MARS1: variants seen among roughly 807,000 people sequenced by gnomAD.
The protein encoded by MARS1 is methionine--tRNA ligase, cytoplasmic.
Under a neutral mutation model 119.5 loss-of-function variants are expected in MARS1, and 80 were observed. The ratio of observed to expected loss-of-function variants is 0.67; its 90% confidence interval spans 0.56 to 0.81. The LOEUF is 0.81. Among genes scored for constraint, MARS1 ranks in the 30% least tolerant of loss-of-function variants. The pLI, the probability that MARS1 is intolerant of heterozygous loss-of-function variation, is 0.00. For synonymous variants in MARS1, 418 were observed against 433.4 expected, an observed-to-expected ratio of 0.96 and a Z score of 0.44; for missense variants, 945 against 1,116.5, an observed-to-expected ratio of 0.85 and a Z score of 2.19.
rs557584654 is a variant in MARS1 at position 57,510,793 on chromosome 12, C to T, written c.1369-905C>T. 2.3e-4 allele frequency among the ~76,000 whole-genome samples: 35 copies of T among 151,920 alleles called. No individual in the cohort carries two copies. In the South Asian group the frequency reaches 2.5e-3, roughly 11 times the overall value. On this transcript the variant is annotated intron_variant, in intron 11 of 20. Transcript: ENST00000262027. The stretch of plus-strand genomic sequence containing the variant: ...TTAAAAAAAGAAAAAATTGGTTGGG[C>T]ACGGTGGCTTATGCCTGTAATTCCA...
At chr12:57,492,877 G>T (rs1938736986) in intron 7 of MARS1, among the ~76,000 whole-genome samples, 1 of 152,108 alleles carries the variant, frequency 6.6e-6, no homozygotes, top group Non-Finnish European at 1.5e-5. Flanking sequence ...GTGGCAGCAG[G>T]CTGGTCAGTC....
At position 57,512,898 on chromosome 12, in the gene MARS1, C is replaced by T. The variant is rs769611828; in HGVS notation, c.1901C>T (p.Ser634Phe). The T allele has an allele frequency of 3.1e-6, 5 of 1,614,214 alleles. No individual in the cohort carries two copies. The highest frequency in any genetic ancestry group is 1.7e-5 in the Admixed American group (1 of 60,018). ...IRPEGQDSAF[S>F]WTDLLLKNNS... is the part of the protein sequence containing the mutation. ...CCTGAGGGCCAGGACAGTGCTTTCT[C>T]CTGGACGGACCTGCTGCTGAAGAAT... The change falls in exon 15 of 21, where the codon TCC (serine) becomes TTC (phenylalanine). Residue 634 changes from serine (S) to phenylalanine (F), a missense_variant. By Grantham distance (155) the Ser-to-Phe change is radical. Transcript: ENST00000262027.
At chr12:57,501,340 A>G (rs935774460) in intron 10 of MARS1, among the ~76,000 whole-genome samples, 2 of 152,242 alleles carry the variant, frequency 1.3e-5, no homozygotes, top group African/African-American at 4.8e-5. Context: ...TATTCTGGTG[A>G]ATGACAAGCT....
intron 11 of MARS1, 123 bp from the exon 12 acceptor site, chr12:57,511,573 ACT>A (rs1014737533): frequency 3.3e-6 from 3 of 901,364 alleles, no homozygotes; most frequent in South Asian, 3.2e-5. Flanking sequence ...ACAGAGCAAG[ACT>A]CTGTCTCCAA....
Position 57,488,149 on chromosome 12 carries a change from G to C in MARS1, c.59G>C (p.Gly20Ala). Residue 20 changes from glycine (G) to alanine (A), a missense_variant, in exon 1 of 21, where the codon GGG (glycine) becomes GCG (alanine). Physicochemically the swap from Gly to Ala is moderately conservative, Grantham distance 60. Coordinates refer to ENST00000262027, the MANE Select transcript of MARS1 (RefSeq NM_004990.4). The part of the protein sequence containing the change: ...PGCLPVLAAA[G>A]RARGRAEVLI... ...TGCTTGCCGGTGCTGGCCGCCGCCG[G>C]GAGAGCCCGGGGCAGAGCAGAGGTG... 1.9e-6 allele frequency: 3 copies of C among 1,614,180 alleles called. No individual in the cohort carries two copies. The highest frequency in any genetic ancestry group is 2.5e-6 in the Non-Finnish European group (3 of 1,180,026).
In MARS1 at chr12:57,489,979, C is replaced by T. The variant is rs1875804528; in HGVS notation, c.490+8C>T. 2 of 1,612,724 alleles carry T rather than the reference C, an allele frequency of 1.2e-6. No individual in the cohort carries two copies. Among genetic ancestry groups the T allele is most frequent in the African/African-American group, 1.3e-5 (1 of 74,894 alleles). On this transcript the variant is annotated splice_region_variant and intron_variant, in intron 5 of 20. Transcript: ENST00000262027. ...ATCCCGCCTACCTCCCTGGTGAGAA[C>T]TGTGCATATCACTCCAACCCTAGGA...
At chr12:57,498,705 C>T (rs1876765007) in intron 9 of MARS1, 82 bp downstream of exon 9, 18 of 1,361,668 alleles carry the variant, frequency 1.3e-5, no homozygotes, top group Non-Finnish European at 1.8e-5. Flanking sequence ...ACAGAAGGAA[C>T]CCGGGTGGCT....
chr12:57,509,690 G>A (rs1877414982), intron 11 of MARS1, among the ~76,000 whole-genome samples: 1 of 152,124 alleles, frequency 6.6e-6, no homozygotes, highest in Admixed American at 6.6e-5. Context: ...GATTACAGGC[G>A]TGAGCCATCG....
At position 57,512,316 on chromosome 12, in the gene MARS1, G is replaced by A. The variant is rs761794855; in HGVS notation, c.1716G>A (p.Glu572=). The A allele has an allele frequency of 1.9e-6, 3 of 1,614,034 alleles. No individual in the cohort carries two copies. The highest frequency in any genetic ancestry group is 2.5e-6 in the Non-Finnish European group (3 of 1,180,026). ...LVFPCSALGA[E]DNYTLVSHLI... is the part of the protein sequence containing the mutation. ...TTCCTTGCTCAGCCCTAGGAGCTGAGGATAACTATACCTTGGTCAGCCACC... is the reference window on the plus strand; with the variant it reads ...TTCCTTGCTCAGCCCTAGGAGCTGAAGATAACTATACCTTGGTCAGCCACC... The change falls in exon 14 of 21, where the codon GAG becomes GAA. Residue 572 remains glutamate, a synonymous_variant. Coordinates refer to ENST00000262027, the MANE Select transcript of MARS1 (RefSeq NM_004990.4).
chr12:57,514,706 T>C lies in MARS1; in HGVS notation c.1968-14T>C. 6.2e-7 allele frequency: 1 copy of C among 1,614,044 alleles called. No individual in the cohort carries two copies. The highest frequency in any genetic ancestry group is 8.5e-7 in the Non-Finnish European group (1 of 1,180,004). On this transcript the variant is annotated splice_polypyrimidine_tract_variant and intron_variant, in intron 15 of 20. Coordinates refer to ENST00000262027, the MANE Select transcript of MARS1 (RefSeq NM_004990.4). ...CCTCTTTTTTCCACTTCTGCTTTCC[T>C]ACTCCCAACCAAGAGCTGGGATGTT...
intron 15 of MARS1, 132 bp from the exon 16 acceptor site, chr12:57,514,588 C>A (rs1051913136): frequency 1.8e-6 from 2 of 1,083,882 alleles, no homozygotes; most frequent in African/African-American, 3.1e-5. Context: ...TTGAGGGAGC[C>A]AGGAGTTACC....
In MARS1 at chr12:57,516,557, C is replaced by T. The variant is rs952046425; in HGVS notation, c.2679C>T (p.Ala893=). ...TAGCTGAGGGGAAACCCCCTGAAGC[C>T]CCTAAAGGCAAGAAGAAAAAGTAAA... The part of the protein sequence containing the change: ...LAVAEGKPPE[A]PKGKKKK Residue 893 remains alanine (A), a synonymous_variant, in exon 21 of 21, where the codon GCC becomes GCT. Coordinates refer to ENST00000262027, the MANE Select transcript of MARS1 (RefSeq NM_004990.4). 16 of 1,583,594 alleles carry T rather than the reference C, an allele frequency of 1.0e-5. No individual in the cohort carries two copies. In the African/African-American group the frequency reaches 1.7e-4, roughly 16 times the overall value.
rs761521550 is a variant in MARS1, at chr12:57,488,102, C to T, written c.12C>T (p.Phe4=). ...GGATTCACGGCGAAATGAGACTGTT[C>T]GTGAGTGATGGCGTCCCGGGTTGCT... is the stretch of plus-strand genomic sequence containing the variant. MRL[F]VSDGVPGCLP... is the part of the protein sequence containing the mutation. The change falls in exon 1 of 21, where the codon TTC becomes TTT. Residue 4 remains phenylalanine (F), a synonymous_variant. Transcript: ENST00000262027. 6 of 1,613,958 alleles carry T rather than the reference C, an allele frequency of 3.7e-6. No homozygotes were observed. The highest frequency in any genetic ancestry group is 4.5e-5 in the East Asian group (2 of 44,890).
chr12:57,498,747 A>G, intron 9 of MARS1, 124 bp downstream of exon 9: 7 of 848,792 alleles, frequency 8.2e-6, no homozygotes, highest in South Asian at 5.9e-5. Flanking sequence ...GGATCTCAAT[A>G]TCACCCTGGG....
At position 57,514,851 on chromosome 12, in the gene MARS1, GGTAA is replaced by G; in HGVS notation, c.2099+5_2099+8del. On this transcript the variant is annotated splice_donor_variant and splice_donor_region_variant and intron_variant, in intron 16 of 20. Transcript: ENST00000262027. LOFTEE classifies it high-confidence loss of function. ...TATCACCAGCTACTTGAGAAGGTTC[GGTAA>G]GTAACTGACACCTCTGTCTTTTCTG... is the stretch of plus-strand genomic sequence containing the variant. The G allele has an allele frequency of 1.9e-6, 3 of 1,613,704 alleles. No homozygotes were observed. The highest frequency in any genetic ancestry group is 1.7e-6 in the Non-Finnish European group (2 of 1,179,704).
chr12:57,512,213 C>T, intron 13 of MARS1, 23 bp from the exon 14 acceptor site: 3 of 1,606,682 alleles, frequency 1.9e-6, no homozygotes, highest in Non-Finnish European at 2.6e-6. Context: ...CTCAGGAAAT[C>T]TCTCCTAACC....
chr12:57,493,358 ATGATATG>A (rs1274452150), intron 7 of MARS1, among the ~76,000 whole-genome samples: 5 of 89,596 alleles, frequency 5.6e-5, no homozygotes, highest in Admixed American at 1.8e-4. Flanking sequence ...TATATATTAT[ATGATATG>A]TATAATATAT....
rs758235245 is a variant in MARS1, at chr12:57,514,792, C to T, written c.2040C>T (p.Arg680=). The change falls in exon 16 of 21, where the codon CGC becomes CGT. Residue 680 remains arginine, a synonymous_variant. Coordinates refer to ENST00000262027, the MANE Select transcript of MARS1 (RefSeq NM_004990.4). The part of the protein sequence containing the change: ...PEMVLTPDDQ[R]LLAHVTLELQ... ...TGGTGCTCACCCCTGATGATCAGCGCCTGCTGGCCCATGTCACCCTGGAGC... is the reference window on the plus strand; with the variant it reads ...TGGTGCTCACCCCTGATGATCAGCGTCTGCTGGCCCATGTCACCCTGGAGC... 2 of 1,614,244 alleles carry T rather than the reference C, an allele frequency of 1.2e-6. No individual in the cohort carries two copies.
At chr12:57,488,887 TG>T in intron 1 of MARS1, 131 bp from the exon 2 acceptor site, 1 of 816,892 alleles carries the variant, frequency 1.2e-6, no homozygotes, top group Non-Finnish European at 2.0e-6. Flanking sequence ...GGTCCTATCC[TG>T]GAACTTCTGG....
Sources: gnomAD v4.1 joint callset for allele counts (sites outside exome capture counted in the v4.1 genomes callset) on GRCh38, gnomAD v4.1.1 for gene constraint, MANE v1.5 for transcripts, NCBI Gene and HGNC (gene_info 2026-07-23, HGNC 2026-07-21) for gene names.